The following SYN3 variants were observed in gnomAD, a reference collection of about 807,000 sequenced individuals.
SYN3 encodes the protein synapsin III, also known as synapsin-3.
Under a neutral mutation model 65.8 loss-of-function variants are expected in SYN3, and 35 were observed. That is an observed-to-expected ratio of 0.53 (90% CI 0.41 to 0.70). SYN3 has a LOEUF of 0.70. Among genes scored for constraint, SYN3 ranks in the 30% least tolerant of loss-of-function variants. The pLI is 0.00. For synonymous variants in SYN3, 270 were observed against 292.9 expected (o/e 0.92, Z 0.80); for missense variants, 680 against 749.0 (o/e 0.91, Z 1.08).
intron 3 of SYN3, among the ~76,000 whole-genome samples, chr22:32,975,257 C>T (rs1400990381): frequency 6.6e-6 from 1 of 151,864 alleles, no homozygotes; most frequent in African/African-American, 2.4e-5. Context: ...TGCCTGTAAT[C>T]TCAGCTGCTC....
At chr22:32,655,076 A>T (rs536146579) in intron 6 of SYN3, among the ~76,000 whole-genome samples, 1 of 152,316 alleles carries the variant, frequency 6.6e-6, no homozygotes, top group African/African-American at 2.4e-5. Context: ...CCAAATTTAT[A>T]TGTTGTAGCT....
intron 6 of SYN3, among the ~76,000 whole-genome samples, chr22:32,707,547 T>C (rs1402153407): frequency 2.6e-5 from 4 of 152,238 alleles, no homozygotes; most frequent in African/African-American, 9.6e-5. Flanking sequence ...TTTGCCTGTG[T>C]ACCTCCAGGT....
intron 1 of SYN3, among the ~76,000 whole-genome samples, chr22:33,023,428 G>A (rs1180046190): frequency 2.0e-5 from 3 of 152,128 alleles, no homozygotes; most frequent in Non-Finnish European, 4.4e-5. Flanking sequence ...CTTCCACCAC[G>A]ATTGTGAGGC....
chr22:32,752,360 C>T (rs5998613), intron 6 of SYN3, among the ~76,000 whole-genome samples: 233 of 152,308 alleles, frequency 1.5e-3, no homozygotes, highest in African/African-American at 5.2e-3. Context: ...CATTTGCTCT[C>T]CTCACTACCA....
chr22:32,608,031 A>G (rs1358689756), intron 6 of SYN3, among the ~76,000 whole-genome samples: 1 of 152,178 alleles, frequency 6.6e-6, no homozygotes, highest in Non-Finnish European at 1.5e-5. Context: ...AGATGGGGAA[A>G]AGCACCCCTT....
At chr22:33,048,488 C>G (rs959035641) in intron 1 of SYN3, among the ~76,000 whole-genome samples, 1 of 151,992 alleles carries the variant, frequency 6.6e-6, no homozygotes, top group East Asian at 1.9e-4. Context: ...GGGGTGGATC[C>G]CTCATGAATG....
chr22:32,720,599 G>T (rs2061103230), intron 6 of SYN3, among the ~76,000 whole-genome samples: 1 of 152,210 alleles, frequency 6.6e-6, no homozygotes, highest in South Asian at 2.1e-4. Flanking sequence ...TCACTGCCCA[G>T]TGAATAGCAG....
intron 4 of SYN3, among the ~76,000 whole-genome samples, chr22:32,897,686 A>C (rs1372719830): frequency 6.6e-6 from 1 of 152,256 alleles, no homozygotes; most frequent in Non-Finnish European, 1.5e-5. Context: ...AATGAAGATC[A>C]TAATAGCGCT....
At chr22:32,554,570 C>G (rs944498544) in intron 7 of SYN3, among the ~76,000 whole-genome samples, 1 of 152,142 alleles carries the variant, frequency 6.6e-6, no homozygotes, top group Non-Finnish European at 1.5e-5. Flanking sequence ...TGCTCTGTAA[C>G]CGTCCTTCCA....
intron 3 of SYN3, among the ~76,000 whole-genome samples, chr22:32,971,691 T>C (rs930944928): frequency 2.0e-5 from 3 of 152,222 alleles, no homozygotes; most frequent in Non-Finnish European, 2.9e-5. Context: ...ATGAATTCTA[T>C]GTGACCTCTA....
At chr22:33,015,373 T>C (rs1230324864) in intron 1 of SYN3, 2 of 491,376 alleles carry the variant, frequency 4.1e-6, no homozygotes, top group Non-Finnish European at 7.3e-6. Context: ...CAGGGCGAAT[T>C]TGTAATGAAA....
intron 2 of SYN3, among the ~76,000 whole-genome samples, chr22:33,001,187 C>T (rs1017283788): frequency 2.0e-5 from 3 of 152,156 alleles, no homozygotes; most frequent in Non-Finnish European, 2.9e-5. Flanking sequence ...TAAACAAAGA[C>T]TGTTGAGTCC....
At chr22:32,743,473 G>C (rs543595018) in intron 6 of SYN3, among the ~76,000 whole-genome samples, 105 of 152,332 alleles carry the variant, frequency 6.9e-4, no homozygotes, top group African/African-American at 2.5e-3. Flanking sequence ...AGGAGAGGGA[G>C]GGAGCATTAG....
intron 7 of SYN3, among the ~76,000 whole-genome samples, chr22:32,558,436 A>C (rs1463621719): frequency 6.6e-6 from 1 of 152,246 alleles, no homozygotes; most frequent in Non-Finnish European, 1.5e-5. Context: ...GCACCCAGCT[A>C]GTAAGTGGAG....
chr22:32,848,387 A>G (rs1175347895), intron 6 of SYN3, among the ~76,000 whole-genome samples: 1 of 152,200 alleles, frequency 6.6e-6, no homozygotes, highest in Non-Finnish European at 1.5e-5. Context: ...TATAGATGAG[A>G]AAATTGAGGC....
At chr22:32,820,418 A>C (rs2047214443) in intron 6 of SYN3, among the ~76,000 whole-genome samples, 1 of 151,114 alleles carries the variant, frequency 6.6e-6, no homozygotes, top group Admixed American at 6.6e-5. Flanking sequence ...TCCTCTGCTC[A>C]TCCACCCATT....
chr22:32,842,839 T>C (rs1329221074), intron 6 of SYN3, among the ~76,000 whole-genome samples: 1 of 152,156 alleles, frequency 6.6e-6, no homozygotes, highest in East Asian at 1.9e-4. Flanking sequence ...TTTTTATTAC[T>C]AATCAGAGGA....
At chr22:33,029,927 C>T (rs1000531007) in intron 1 of SYN3, among the ~76,000 whole-genome samples, 2 of 152,214 alleles carry the variant, frequency 1.3e-5, no homozygotes, top group Non-Finnish European at 1.5e-5. Flanking sequence ...AGCAGGTTCA[C>T]GTCTCTGTTC....
At chr22:32,967,227 ACT>A (rs2051875838) in intron 3 of SYN3, among the ~76,000 whole-genome samples, 1 of 152,062 alleles carries the variant, frequency 6.6e-6, no homozygotes, top group Non-Finnish European at 1.5e-5. Context: ...GCCAGTGGAA[ACT>A]CTCTCAGGTC....
Sources: allele counts gnomAD v4.1 joint callset (sites outside exome capture counted in the v4.1 genomes callset), GRCh38; gene constraint gnomAD v4.1.1; transcripts MANE v1.5; gene names NCBI Gene and HGNC (gene_info 2026-07-23, HGNC 2026-07-21).